PROM1: variants seen among roughly 807,000 people sequenced by gnomAD.
The protein encoded by PROM1 is prominin-1.
A neutral mutation model predicts 116.9 loss-of-function variants in PROM1; 105 were observed. The ratio of observed to expected loss-of-function variants is 0.90; its 90% confidence interval spans 0.77 to 1.06. PROM1 has a LOEUF of 1.06. PROM1 is among the 50% of genes least tolerant of loss of function. PROM1 has a pLI of 0.00. For synonymous variants in PROM1, 393 were observed against 387.0 expected, an observed-to-expected ratio of 1.02 and a Z score of -0.18; for missense variants, 1,122 against 1,045.2, an observed-to-expected ratio of 1.07 and a Z score of -1.01.
intron 15 of PROM1, among the ~76,000 whole-genome samples, chr4:15,995,371 G>A (rs2149144650): frequency 6.6e-6 from 1 of 151,816 alleles, no homozygotes; most frequent in African/African-American, 2.4e-5. Context: ...AGGAGGAAAA[G>A]AAGAAGAAAA....
intron 2 of PROM1, among the ~76,000 whole-genome samples, chr4:16,057,070 A>G (rs951374305): frequency 1.3e-5 from 2 of 152,256 alleles, no homozygotes; most frequent in African/African-American, 4.8e-5. Context: ...GAATTTCAGA[A>G]GGAGATACTC....
intron 23 of PROM1, among the ~76,000 whole-genome samples, chr4:15,981,580 G>GA (rs59738367): frequency 5.5e-4 from 79 of 143,264 alleles, no homozygotes; most frequent in Admixed American, 9.0e-4. Flanking sequence ...TCAAAAAAAA[G>GA]AAAAAAAAAA....
intron 15 of PROM1, among the ~76,000 whole-genome samples, chr4:15,996,539 ATAAATACT>A (rs1722375497): frequency 6.6e-6 from 1 of 152,136 alleles, no homozygotes; most frequent in East Asian, 1.9e-4. Context: ...AAATAAATAA[ATAAATACT>A]TAGTAATGAC....
rs1244251334 is a variant in PROM1 at position 16,006,483 on chromosome 4, C to T, written c.1454+55G>A. On this transcript the variant is annotated intron_variant, in intron 13 of 27. Coordinates refer to ENST00000447510, the MANE Select transcript of PROM1 (RefSeq NM_006017.3). ...GTTCATGTAACACCAGAGTCAGCACCCAGTCTCTCTCCTGCATTCCCACTC... is the reference window on the plus strand; with the variant it reads ...GTTCATGTAACACCAGAGTCAGCACTCAGTCTCTCTCCTGCATTCCCACTC... 4 of 1,509,756 alleles carry T rather than the reference C, an allele frequency of 2.6e-6. No homozygotes were observed. In the East Asian group the frequency reaches 9.8e-5, roughly 37 times the overall value. 93.5% of individuals were successfully genotyped at this position (1,509,756 alleles called of 1,614,324 possible).
At chr4:16,062,413 A>G (rs1327554897) in intron 2 of PROM1, among the ~76,000 whole-genome samples, 3 of 152,172 alleles carry the variant, frequency 2.0e-5, no homozygotes, top group Non-Finnish European at 4.4e-5. Context: ...ATTAAGCACA[A>G]TTGTTAATGA....
chr4:16,064,285 CAAT>C (rs1476105980), intron 2 of PROM1, among the ~76,000 whole-genome samples: 8 of 152,072 alleles, frequency 5.3e-5, no homozygotes, highest in Admixed American at 5.2e-4. Context: ...TAGTATACAA[CAAT>C]GAGAATGAAG....
Position 16,038,930 on chromosome 4 carries a change from A to T in PROM1, c.276+16T>A. The T allele has an allele frequency of 6.8e-7, 1 of 1,466,908 alleles. No individual in the cohort carries two copies. The highest frequency in any genetic ancestry group is 1.5e-5 in the South Asian group (1 of 67,894). The allele number at this position is 1,466,908 out of a possible 1,614,324, so 90.9% of individuals were successfully genotyped here. A position where few individuals can be genotyped will look rare whatever the true frequency, so the allele number is the denominator to read the frequency against. ...ACTTCGTATTTTTAATAATAAATAC[A>T]CCAATGAAAAATTACCTTGTCATAA... On this transcript the variant is annotated intron_variant, in intron 3 of 27. Coordinates refer to ENST00000447510, the MANE Select transcript of PROM1 (RefSeq NM_006017.3).
chr4:16,006,418 G>T, intron 13 of PROM1, 120 bp downstream of exon 13: 1 of 1,230,948 alleles, frequency 8.1e-7, no homozygotes, highest in South Asian at 1.8e-5. Context: ...CTCGCGACCT[G>T]GGAGCTGGAA....
At chr4:15,984,140 A>G (rs1039994435) in intron 23 of PROM1, 123 bp downstream of exon 23, 23 of 832,284 alleles carry the variant, frequency 2.8e-5, no homozygotes, top group Non-Finnish European at 4.3e-5. Flanking sequence ...TGATCAAAAT[A>G]TTACATTTTA....
chr4:16,014,656 T>C (rs1727840623), intron 10 of PROM1, among the ~76,000 whole-genome samples: 1 of 152,176 alleles, frequency 6.6e-6, no homozygotes, highest in Admixed American at 6.6e-5. Flanking sequence ...AGCTTAGCGT[T>C]CCAATAATAG....
intron 2 of PROM1, among the ~76,000 whole-genome samples, chr4:16,066,485 C>G (rs1485381375): frequency 6.6e-6 from 1 of 152,162 alleles, no homozygotes; most frequent in Non-Finnish European, 1.5e-5. Context: ...CAATGCAGAG[C>G]TAGTGGACGT....
At chr4:16,079,079 C>T (rs1484199623) in intron 1 of PROM1, among the ~76,000 whole-genome samples, 2 of 90,026 alleles carry the variant, frequency 2.2e-5, no homozygotes, top group African/African-American at 8.6e-5. Context: ...CACATGTACA[C>T]TTTATCTTGG....
At position 15,992,618 on chromosome 4, in the gene PROM1, AAAAT is replaced by A. The variant is rs566591769; in HGVS notation, c.1768-231_1768-228del. The stretch of plus-strand genomic sequence containing the variant: ...AAAAAAATTTTAAACATAAATTTAA[AAAAT>A]AAATAAAAAATAAACAGCAATCAAA... On this transcript the variant is annotated intron_variant, in intron 16 of 27. Transcript: ENST00000447510. Among the ~76,000 whole-genome samples, 34 of 152,308 alleles carry A rather than the reference AAAAT, an allele frequency of 2.2e-4. No homozygotes were observed. In the South Asian group the frequency reaches 3.9e-3, roughly 18 times the overall value.
At chr4:16,005,495 G>GT (rs1725209873) in intron 13 of PROM1, among the ~76,000 whole-genome samples, 1 of 145,800 alleles carries the variant, frequency 6.9e-6, no homozygotes, top group African/African-American at 2.6e-5. Flanking sequence ...TTGTTTGTTT[G>GT]GTGTGTGTGT....
At chr4:16,079,019 T>C (rs1744500806) in intron 1 of PROM1, among the ~76,000 whole-genome samples, 1 of 152,078 alleles carries the variant, frequency 6.6e-6, no homozygotes, top group African/African-American at 2.4e-5. Flanking sequence ...ACCTTGACCC[T>C]GGTGTTTCCA....
At chr4:16,004,630 A>G (rs575722581) in intron 13 of PROM1, among the ~76,000 whole-genome samples, 1 of 152,360 alleles carries the variant, frequency 6.6e-6, no homozygotes, top group East Asian at 1.9e-4. Context: ...AATCAATTAA[A>G]CATTAAAAGT....
chr4:16,025,311 T>C lies in PROM1; in HGVS notation c.511A>G (p.Ile171Val), dbSNP rs1216826759. 8.7e-6 allele frequency: 14 copies of C among 1,613,818 alleles called. No homozygotes were observed. The highest frequency in any genetic ancestry group is 1.1e-5 in the Non-Finnish European group (13 of 1,179,736). Reference protein sequence around the residue: ...SLLVICIIISIGIFYGFVANH... With the variant: ...SLLVICIIISVGIFYGFVANH... ...GCCACAAAACCATAGAAGATGCCAA[T>C]GCTGCAGGAAAAGGCAGAGAGAAGA... Residue 171 changes from isoleucine to valine, a missense_variant and splice_region_variant, in exon 6 of 28, where the codon ATT becomes GTT. Coordinates refer to ENST00000447510, the MANE Select transcript of PROM1 (RefSeq NM_006017.3).
chr4:15,986,101 C>T, intron 20 of PROM1, 64 bp from the exon 21 acceptor site: 1 of 1,193,352 alleles, frequency 8.4e-7, no homozygotes, highest in Non-Finnish European at 1.2e-6. Flanking sequence ...AGACAATTTG[C>T]ATATTGATTC....
intron 3 of PROM1, among the ~76,000 whole-genome samples, chr4:16,037,589 T>G (rs1734227905): frequency 6.6e-6 from 1 of 152,184 alleles, no homozygotes; most frequent in African/African-American, 2.4e-5. Flanking sequence ...GCATTCAGAT[T>G]TGTTGTGCAG....
Sources: allele counts gnomAD v4.1 joint callset (sites outside exome capture counted in the v4.1 genomes callset), GRCh38; gene constraint gnomAD v4.1.1; transcripts MANE v1.5; gene names NCBI Gene and HGNC (gene_info 2026-07-23, HGNC 2026-07-21).